Variants in FAT3 observed in about 807,000 individuals in gnomAD.
FAT3 encodes FAT atypical cadherin 3, also known as protocadherin Fat 3.
A neutral mutation model predicts 310.2 loss-of-function variants in FAT3; 95 were observed. The observed-to-expected ratio is 0.31, with a 90% confidence interval of 0.26 to 0.36. The LOEUF is 0.36. Among genes scored for constraint, FAT3 ranks in the 10% least tolerant of loss-of-function variants. FAT3 has a pLI of 1.00. For synonymous variants in FAT3, 2,314 were observed against 2,192.9 expected (o/e 1.06, Z -1.54); for missense variants, 5,408 against 5,715.6 (o/e 0.95, Z 1.74).
At position 92,801,804 on chromosome 11, in the gene FAT3, G is replaced by A; in HGVS notation, c.8791G>A (p.Gly2931Arg). The stretch of plus-strand genomic sequence containing the variant: ...AGTCTTCGCGCAGGAAGTGTACCGA[G>A]GGAATGTGAAGGAGAGCGACCCACC... ...APVFAQEVYR[G>R]NVKESDPPGE... The change falls in exon 10 of 28, where the codon GGG becomes AGG. Residue 2931 changes from glycine to arginine, a missense_variant. Gly to Arg is a moderately radical substitution (Grantham distance 125). This residue lies in a region of FAT3 where 4,588 missense variants were observed against 4,809.8 expected (regional missense o/e 0.95). Transcript: ENST00000525166. The A allele has an allele frequency of 6.2e-7, 1 of 1,613,944 alleles. No homozygotes were observed. The highest frequency in any genetic ancestry group is 8.5e-7 in the Non-Finnish European group (1 of 1,179,862).
intron 1 of FAT3, among the ~76,000 whole-genome samples, chr11:92,247,127 G>T (rs999795081): frequency 1.3e-5 from 2 of 152,034 alleles, no homozygotes; most frequent in African/African-American, 4.8e-5. Flanking sequence ...GAATGACAAG[G>T]GTCTGGGGTG....
intron 4 of FAT3, among the ~76,000 whole-genome samples, chr11:92,722,995 G>A (rs1318569277): frequency 6.6e-6 from 1 of 152,138 alleles, no homozygotes; most frequent in Non-Finnish European, 1.5e-5. Context: ...ACATGCCCTG[G>A]TGATATTTTC....
intron 1 of FAT3, among the ~76,000 whole-genome samples, chr11:92,235,739 C>T (rs551804700): frequency 6.6e-6 from 1 of 152,234 alleles, no homozygotes; most frequent in South Asian, 2.1e-4. Context: ...GAGGAAAGAT[C>T]CTCTAGGCAT....
Position 92,889,333 on chromosome 11 carries a change from CACAGAGGGGGCAATAA to C in FAT3, c.13111+90_13111+105del, listed in dbSNP as rs1446123164. ...CTAGGAGTGATTTTAATGGATTGGC[CACAGAGGGGGCAATAA>C]ACAGCTGGTTTCTGATGAGATGTGG... On this transcript the variant is annotated intron_variant, in intron 26 of 27. Transcript: ENST00000525166. 7.0e-6 allele frequency: 4 copies of C among 574,828 alleles called. No individual in the cohort carries two copies. The East Asian group carries it at 1.2e-4, about 18-fold the overall frequency. The allele number at this position is 574,828 out of a possible 1,614,324, so 35.6% of individuals were successfully genotyped here.
At chr11:92,234,624 C>T (rs1292625313) in intron 1 of FAT3, among the ~76,000 whole-genome samples, 1 of 152,138 alleles carries the variant, frequency 6.6e-6, no homozygotes, top group South Asian at 2.1e-4. Context: ...ACAAAAATTG[C>T]CAGGCACGGT....
At chr11:92,541,897 T>C (rs1303159050) in intron 3 of FAT3, among the ~76,000 whole-genome samples, 1 of 152,182 alleles carries the variant, frequency 6.6e-6, no homozygotes, top group Non-Finnish European at 1.5e-5. Context: ...GATTATTATA[T>C]GGTGCTTCAC....
At chr11:92,228,504 G>A (rs1028062873) in intron 1 of FAT3, among the ~76,000 whole-genome samples, 1 of 152,168 alleles carries the variant, frequency 6.6e-6, no homozygotes, top group South Asian at 2.1e-4. Context: ...ACATTTTGAT[G>A]TGTCAGGTTA....
chr11:92,814,177 A>T (rs3912659), intron 13 of FAT3, among the ~76,000 whole-genome samples: 1 of 152,010 alleles, frequency 6.6e-6, no homozygotes, highest in East Asian at 1.9e-4. Context: ...ACGAAGTCTC[A>T]GGTATTTTTT....
At position 92,866,732 on chromosome 11, in the gene FAT3, C is replaced by T. The variant is rs1327877499; in HGVS notation, c.11659-9C>T. ...TTGAAAAGTGCTGCACTGTTCCTTCCCCACGCAGATTGTGGATGGCAAGCT... is the reference window on the plus strand; with the variant it reads ...TTGAAAAGTGCTGCACTGTTCCTTCTCCACGCAGATTGTGGATGGCAAGCT... On this transcript the variant is annotated splice_polypyrimidine_tract_variant and intron_variant, in intron 21 of 27. Coordinates refer to ENST00000525166, the MANE Select transcript of FAT3 (RefSeq NM_001367949.2). 6.2e-7 allele frequency: 1 copy of T among 1,609,826 alleles called. No homozygotes were observed.
At chr11:92,771,009 C>T (rs1946442483) in intron 6 of FAT3, among the ~76,000 whole-genome samples, 1 of 152,144 alleles carries the variant, frequency 6.6e-6, no homozygotes, top group Non-Finnish European at 1.5e-5. Flanking sequence ...AGACACATCC[C>T]TGATGTGAAT....
chr11:92,226,494 T>G (rs1292347684), intron 1 of FAT3, among the ~76,000 whole-genome samples: 2 of 151,898 alleles, frequency 1.3e-5, no homozygotes, highest in Non-Finnish European at 2.9e-5. Context: ...TTGCTCGGGA[T>G]GAGAGGAACA....
rs1244361928 is a variant in FAT3 at position 92,352,283 on chromosome 11, A to T, written c.171A>T (p.Ala57=). The T allele has an allele frequency of 2.0e-6, 3 of 1,473,458 alleles. No homozygotes were observed. The highest frequency in any genetic ancestry group is 2.7e-6 in the Non-Finnish European group (3 of 1,091,560). 91.3% of individuals were successfully genotyped at this position (1,473,458 alleles called of 1,614,324 possible). A position where few individuals can be genotyped will look rare whatever the true frequency, so the allele number is the denominator to read the frequency against. Residue 57 remains alanine, a synonymous_variant, in exon 2 of 28, where the codon GCA becomes GCT. Transcript: ENST00000525166. ...ATGCTACCGTGTATGAGAACTCAGC[A>T]GCAAGGACCTACGTCAACAGCCAGA... ...IYNATVYENS[A]ARTYVNSQSR...
chr11:92,468,353 A>G (rs1428729321), intron 2 of FAT3, among the ~76,000 whole-genome samples: 1 of 152,232 alleles, frequency 6.6e-6, no homozygotes, highest in Non-Finnish European at 1.5e-5. Context: ...AAATTGGAAT[A>G]TGGTTGGCCT....
At chr11:92,582,914 G>A (rs776525108) in intron 3 of FAT3, among the ~76,000 whole-genome samples, 1 of 152,020 alleles carries the variant, frequency 6.6e-6, no homozygotes, top group Admixed American at 6.6e-5. Context: ...CCTAGTCACT[G>A]TAAGTACTAC....
At chr11:92,610,341 C>G (rs1940502941) in intron 3 of FAT3, among the ~76,000 whole-genome samples, 1 of 152,110 alleles carries the variant, frequency 6.6e-6, no homozygotes, top group Non-Finnish European at 1.5e-5. Flanking sequence ...TCAAGTAATT[C>G]TAATAAATTC....
At chr11:92,744,160 T>C (rs1945585598) in intron 4 of FAT3, among the ~76,000 whole-genome samples, 1 of 152,206 alleles carries the variant, frequency 6.6e-6, no homozygotes, top group African/African-American at 2.4e-5. Flanking sequence ...TGACTCATAT[T>C]TCTGTTCTAA....
intron 19 of FAT3, among the ~76,000 whole-genome samples, chr11:92,849,836 A>G (rs967412286): frequency 2.0e-5 from 3 of 152,132 alleles, no homozygotes; most frequent in Admixed American, 6.5e-5. Flanking sequence ...CAGTGGTGAA[A>G]GAGGCTGATG....
At chr11:92,337,721 G>T (rs577513895) in intron 1 of FAT3, among the ~76,000 whole-genome samples, 3 of 152,310 alleles carry the variant, frequency 2.0e-5, no homozygotes, top group South Asian at 4.1e-4. Flanking sequence ...GTAAGCCACC[G>T]CACTTGACGG....
At chr11:92,293,229 A>AG (rs1946744881) in intron 1 of FAT3, among the ~76,000 whole-genome samples, 2 of 151,468 alleles carry the variant, frequency 1.3e-5, no homozygotes, top group Non-Finnish European at 3.0e-5. Context: ...GCAGAAATGA[A>AG]GGGGAGGCCA....
Sources: gnomAD v4.1 joint callset for allele counts (sites outside exome capture counted in the v4.1 genomes callset) on GRCh38, gnomAD v4.1.1 for gene constraint, gnomAD v4.1.1 regional missense constraint, MANE v1.5 for transcripts, NCBI Gene and HGNC (gene_info 2026-07-23, HGNC 2026-07-21) for gene names.